ROBO2: variants seen among roughly 807,000 people sequenced by gnomAD.
ROBO2 encodes roundabout guidance receptor 2.
ROBO2 carries 53 observed loss-of-function variants against 160.8 expected under a neutral mutation model. The observed-to-expected ratio is 0.33, with a 90% CI of 0.26 to 0.41. The LOEUF (loss-of-function observed/expected upper bound fraction) is 0.41. Ranked by LOEUF, ROBO2 falls within the 10% of genes least tolerant of loss-of-function variation. The pLI is 1.00. For synonymous variants in ROBO2, 664 were observed against 611.7 expected (o/e 1.09, Z -1.26); for missense variants, 1,577 against 1,722.4 (o/e 0.92, Z 1.49).
chr3:77,475,068 T>TGAGAGAGAGA (rs71104689), intron 2 of ROBO2, among the ~76,000 whole-genome samples: 4,165 of 150,506 alleles, frequency 0.028, 170 homozygotes, highest in African/African-American at 0.092. Context: ...GTTTTTCAAC[T>TGAGAGAGAGA]GAGAGAGAGA....
chr3:76,948,578 A>G (rs1353617538), intron 2 of ROBO2, among the ~76,000 whole-genome samples: 1 of 120,292 alleles, frequency 8.3e-6, no homozygotes, highest in Non-Finnish European at 1.7e-5. Flanking sequence ...ATTATAATCT[A>G]ATTTTTTTTT....
chr3:77,493,279 G>C (rs755198997), exon 5 of ROBO2: 5 of 1,613,802 alleles, frequency 3.1e-6, no homozygotes, highest in Non-Finnish European at 4.2e-6. Context: ...AATTAACCAG[G>C]TGGTACTGGA....
At chr3:77,147,674 T>C (rs2077223223) in intron 2 of ROBO2, among the ~76,000 whole-genome samples, 1 of 152,216 alleles carries the variant, frequency 6.6e-6, no homozygotes, top group Non-Finnish European at 1.5e-5. Context: ...TTCTAGACTA[T>C]CAAGATAGAA....
intron 2 of ROBO2, among the ~76,000 whole-genome samples, chr3:77,339,571 A>C (rs1442616779): frequency 6.6e-6 from 1 of 152,092 alleles, no homozygotes; most frequent in Non-Finnish European, 1.5e-5. Flanking sequence ...AGCCTTAAAT[A>C]ATCCATTTAA....
At chr3:77,272,387 AC>A (rs755050498) in intron 2 of ROBO2, among the ~76,000 whole-genome samples, 10 of 152,118 alleles carry the variant, frequency 6.6e-5, no homozygotes, top group Non-Finnish European at 1.2e-4. Context: ...GACATGTCTT[AC>A]ATGGCAGGAG....
intron 2 of ROBO2, among the ~76,000 whole-genome samples, chr3:77,329,782 G>A (rs1232162686): frequency 3.9e-5 from 6 of 152,202 alleles, no homozygotes. Flanking sequence ...TACACTGACT[G>A]TGTTGACCAG....
chr3:77,598,658 A>C (rs765601164), intron 19 of ROBO2, among the ~76,000 whole-genome samples: 1 of 151,570 alleles, frequency 6.6e-6, no homozygotes, highest in Non-Finnish European at 1.5e-5. Flanking sequence ...AACACACCCC[A>C]CTTAGGACTC....
chr3:76,735,369 A>T (rs1199679331), intron 2 of ROBO2, among the ~76,000 whole-genome samples: 1 of 152,186 alleles, frequency 6.6e-6, no homozygotes, highest in African/African-American at 2.4e-5. Context: ...TCTTACTTGT[A>T]AGTGAGAGCA....
chr3:76,656,195 A>G (rs1302905997), intron 2 of ROBO2, among the ~76,000 whole-genome samples: 1 of 152,122 alleles, frequency 6.6e-6, no homozygotes, highest in East Asian at 1.9e-4. Context: ...TTGTGACCTC[A>G]TTGACAAATG....
At chr3:75,995,389 C>T (rs1559814977) in intron 2 of ROBO2, among the ~76,000 whole-genome samples, 3 of 152,076 alleles carry the variant, frequency 2.0e-5, no homozygotes, top group Non-Finnish European at 2.9e-5. Flanking sequence ...GGTGCAAGCC[C>T]CAGGCCTTTG....
At chr3:77,169,811 G>T (rs557620253) in intron 2 of ROBO2, among the ~76,000 whole-genome samples, 1 of 152,174 alleles carries the variant, frequency 6.6e-6, no homozygotes, top group East Asian at 1.9e-4. Context: ...GTGTTCCATA[G>T]GGTTGGGGAT....
At chr3:77,626,658 G>A (rs1378229051) in intron 23 of ROBO2, among the ~76,000 whole-genome samples, 3 of 152,020 alleles carry the variant, frequency 2.0e-5, no homozygotes, top group Non-Finnish European at 4.4e-5. Context: ...ACACCACCAG[G>A]AAAAAAGAAA....
At chr3:75,919,669 G>C (rs1264731340) in intron 1 of ROBO2, among the ~76,000 whole-genome samples, 1 of 151,918 alleles carries the variant, frequency 6.6e-6, no homozygotes, top group East Asian at 1.9e-4. Context: ...CTGGTCCTGG[G>C]CTTTTTTTGG....
intron 2 of ROBO2, among the ~76,000 whole-genome samples, chr3:76,191,218 T>C (rs1011785461): frequency 6.6e-6 from 1 of 152,132 alleles, no homozygotes; most frequent in Non-Finnish European, 1.5e-5. Context: ...GGCTTAAATA[T>C]TACACTGAAT....
rs893294373 is a variant in ROBO2 at position 76,046,539 on chromosome 3, T to C, written c.109+108937T>C. Among the ~76,000 whole-genome samples the C allele has an allele frequency of 9.9e-5, 15 of 151,764 alleles. 1 individual carries two copies. The highest frequency in any genetic ancestry group is 2.4e-4 in the African/African-American group (10 of 41,128). On this transcript the variant is annotated intron_variant, in intron 2 of 26. Transcript: ENST00000487694. Reference sequence around the variant, plus strand: ...TGGCAGCGCCTGCAGTCCCAGCTACTCGGGAGGCTGAGGCAGGAGAATGGC... The same window carrying C: ...TGGCAGCGCCTGCAGTCCCAGCTACCCGGGAGGCTGAGGCAGGAGAATGGC...
At chr3:76,912,345 T>A (rs2076044289) in intron 2 of ROBO2, among the ~76,000 whole-genome samples, 1 of 152,204 alleles carries the variant, frequency 6.6e-6, no homozygotes. Context: ...TTTTTAAAAA[T>A]TATATTTATT....
At chr3:77,408,587 C>T (rs1181640096) in intron 2 of ROBO2, among the ~76,000 whole-genome samples, 1 of 152,148 alleles carries the variant, frequency 6.6e-6, no homozygotes, top group East Asian at 1.9e-4. Context: ...TTATAATATA[C>T]TATCAGGACT....
intron 2 of ROBO2, among the ~76,000 whole-genome samples, chr3:76,790,583 A>G (rs567004761): frequency 6.6e-6 from 1 of 151,872 alleles, no homozygotes; most frequent in South Asian, 2.1e-4. Context: ...AAACATGCTC[A>G]GAACATTGTG....
At chr3:76,007,955 T>A (rs773809435) in intron 2 of ROBO2, among the ~76,000 whole-genome samples, 1 of 151,842 alleles carries the variant, frequency 6.6e-6, no homozygotes. Flanking sequence ...AAACTGATGC[T>A]AAATAAGTCT....
Sources: allele counts gnomAD v4.1 joint callset (sites outside exome capture counted in the v4.1 genomes callset), GRCh38; gene constraint gnomAD v4.1.1; transcripts MANE v1.5; gene names NCBI Gene and HGNC (gene_info 2026-07-23, HGNC 2026-07-21).